TOMM40: variants seen among roughly 807,000 people sequenced by gnomAD.
The protein encoded by TOMM40 is translocase of outer mitochondrial membrane 40, also known as mitochondrial import receptor subunit TOM40 homolog.
TOMM40 carries 9 observed loss-of-function variants against 38.4 expected under a neutral mutation model. The ratio of observed to expected loss-of-function variants is 0.23; its 90% confidence interval spans 0.14 to 0.41. The LOEUF is 0.41. Among genes scored for constraint, TOMM40 ranks in the 10% least tolerant of loss-of-function variants. The pLI is 1.00. For synonymous variants in TOMM40, 184 were observed against 210.0 expected (o/e 0.88, Z 1.07); for missense variants, 299 against 486.5 (o/e 0.61, Z 3.63).
At chr19:44,901,744 A>ATAAAATGAAATAAATAAATAAATGTT in intron 8 of TOMM40, 1 of 188,426 alleles carries the variant, frequency 5.3e-6, no homozygotes, top group East Asian at 1.2e-4. Context: ...CTCAAAAAAA[A>ATAAAATGAAATAAATAAATAAATGTT]AAAAGTAGGT....
chr19:44,896,098 C>T (rs1488586231), intron 5 of TOMM40, among the ~76,000 whole-genome samples: 2 of 152,344 alleles, frequency 1.3e-5, no homozygotes, highest in East Asian at 1.9e-4. Context: ...CCAGCAACCC[C>T]GTTCCCTGTG....
chr19:44,894,949 A>G (rs157587), intron 5 of TOMM40, among the ~76,000 whole-genome samples: 3,630 of 152,146 alleles, frequency 0.024, 157 homozygotes, highest in African/African-American at 0.081. Context: ...GTGGACGGGG[A>G]GAGGAGGTTG....
At chr19:44,901,394 G>A (rs1231651305) in intron 8 of TOMM40, 84 bp downstream of exon 8, 1 of 1,544,802 alleles carries the variant, frequency 6.5e-7, no homozygotes. Flanking sequence ...ACAGGTGCTG[G>A]AGGACAGTGT....
At position 44,893,765 on chromosome 19, in the gene TOMM40, C is replaced by T; in HGVS notation, c.436-15C>T. ...TGCACCACCTCTGACCCCTTCCGTT[C>T]TCTCTGCCTCACAGGCGTTCCCTGT... is the stretch of plus-strand genomic sequence containing the variant. On this transcript the variant is annotated splice_polypyrimidine_tract_variant and intron_variant, in intron 3 of 8. Transcript: ENST00000426677. The T allele has an allele frequency of 6.2e-7, 1 of 1,610,184 alleles. No homozygotes were observed. The highest frequency in any genetic ancestry group is 8.5e-7 in the Non-Finnish European group (1 of 1,178,392).
rs1214777918 is a variant in TOMM40, at chr19:44,901,214, G to A, written c.850G>A (p.Val284Met). 32 of 1,614,170 alleles carry A rather than the reference G, an allele frequency of 2.0e-5. No homozygotes were observed. The highest frequency in any genetic ancestry group is 2.6e-5 in the Non-Finnish European group (31 of 1,180,014). Residue 284 changes from valine (V) to methionine (M), a missense_variant, in exon 8 of 9, where the codon GTG (valine) becomes ATG (methionine). Val to Met is a conservative substitution (Grantham distance 21, BLOSUM62 1). Coordinates refer to ENST00000426677, the MANE Select transcript of TOMM40 (RefSeq NM_001128917.2). ...GTTGCTCCGGCCCCTCCAGCTGCAG[G>A]TGGGTGTGGAGTTTGAGGCCAGCAC... ...YYHKASDQLQ[V>M]GVEFEASTRM...
At chr19:44,893,324 C>T (rs955791520) in intron 3 of TOMM40, among the ~76,000 whole-genome samples, 9 of 152,074 alleles carry the variant, frequency 5.9e-5, no homozygotes, top group Non-Finnish European at 1.2e-4. Context: ...CACAGGTTCC[C>T]GCTGTAGAAA....
rs1969714468 is a variant in TOMM40, at chr19:44,903,162, T to G, written c.1079T>G (p.Ile360Ser). The G allele has an allele frequency of 5.0e-6, 8 of 1,610,526 alleles. No individual in the cohort carries two copies. Among genetic ancestry groups the G allele is most frequent in the Non-Finnish European group, 5.9e-6 (7 of 1,179,232 alleles). Residue 360 changes from isoleucine (I) to serine (S), a missense_variant, in exon 9 of 9, where the codon ATC becomes AGC. Transcript: ENST00000426677. The part of the protein sequence containing the change: ...NKFQCGFGLT[I>S]G ...TTTCAGTGTGGCTTTGGCCTCACCATCGGCTGAGCCCTCCTGGCCCCCGCC... is the reference window on the plus strand; with the variant it reads ...TTTCAGTGTGGCTTTGGCCTCACCAGCGGCTGAGCCCTCCTGGCCCCCGCC...
intron 5 of TOMM40, among the ~76,000 whole-genome samples, chr19:44,898,958 C>G (rs1308957566): frequency 6.6e-6 from 1 of 151,510 alleles, no homozygotes; most frequent in African/African-American, 2.4e-5. Context: ...CGGTGAAACC[C>G]CTTCTCTACT....
chr19:44,891,273 G>C lies in TOMM40; in HGVS notation c.-143G>C. The C allele has an allele frequency of 9.6e-6, 11 of 1,144,402 alleles. No individual in the cohort carries two copies. Among genetic ancestry groups the C allele is most frequent in the Non-Finnish European group, 1.2e-5 (11 of 915,632 alleles). 70.9% of individuals were successfully genotyped at this position (1,144,402 alleles called of 1,614,324 possible). A position where few individuals can be genotyped will look rare whatever the true frequency, so the allele number is the denominator to read the frequency against. On this transcript the variant is annotated 5_prime_UTR_variant, in exon 1 of 9. Transcript: ENST00000426677. ...CGGGTTCGGTTGCGCGTGGCGCACG[G>C]GGTGGGAGCGGAGCCCAGGCCGGGA...
intron 5 of TOMM40, among the ~76,000 whole-genome samples, chr19:44,897,690 C>T (rs1421067613): frequency 6.6e-6 from 1 of 151,232 alleles, no homozygotes; most frequent in African/African-American, 2.4e-5. Context: ...AGGAGAGTCA[C>T]TTGAACCCGG....
chr19:44,899,852 G>A (rs1319325714), intron 5 of TOMM40, among the ~76,000 whole-genome samples: 4 of 131,978 alleles, frequency 3.0e-5, no homozygotes, highest in Admixed American at 9.1e-5. Context: ...CATGTTGCCC[G>A]GGCTGGCTTC....
chr19:44,901,728 C>A, intron 8 of TOMM40: 1 of 213,384 alleles, frequency 4.7e-6, no homozygotes, highest in Non-Finnish European at 9.3e-6. Context: ...CAGAGCAAGA[C>A]TCCATCTCAA....
intron 5 of TOMM40, among the ~76,000 whole-genome samples, chr19:44,898,389 C>A (rs1969607633): frequency 6.6e-6 from 1 of 152,174 alleles, no homozygotes; most frequent in African/African-American, 2.4e-5. Context: ...CCCTTCCCTT[C>A]TCCACGTGTC....
chr19:44,894,140 T>C (rs1332312593), intron 5 of TOMM40, 74 bp downstream of exon 5: 2 of 1,162,726 alleles, frequency 1.7e-6, no homozygotes, highest in Non-Finnish European at 2.4e-6. Context: ...ACCCCATTTG[T>C]GAACCTCCTT....
chr19:44,902,566 A>G (rs1969702602), intron 8 of TOMM40: 1 of 152,918 alleles, frequency 6.5e-6, no homozygotes, highest in South Asian at 2.0e-4. Context: ...TGAGGCTTCC[A>G]GAGGTTTCAA....
chr19:44,892,483 C>G (rs1184635375), intron 2 of TOMM40, 23 bp downstream of exon 2: 1 of 1,608,266 alleles, frequency 6.2e-7, no homozygotes, highest in South Asian at 1.1e-5. Flanking sequence ...GGTGTCCTTA[C>G]CCACCAGAGA....
chr19:44,894,464 A>G (rs1225850045), intron 5 of TOMM40, among the ~76,000 whole-genome samples: 1 of 151,942 alleles, frequency 6.6e-6, no homozygotes, highest in Non-Finnish European at 1.5e-5. Context: ...GTTTCACCAC[A>G]TTGGTCAGGC....
Position 44,891,290 on chromosome 19 carries a change from A to AG in TOMM40, c.-124dup, listed in dbSNP as rs1409503411. The AG allele has an allele frequency of 6.7e-6, 8 of 1,185,398 alleles. No individual in the cohort carries two copies. The African/African-American group carries it at 1.3e-4, about 19-fold the overall frequency. 73.4% of individuals were successfully genotyped at this position (1,185,398 alleles called of 1,614,324 possible). ...GGCGCACGGGGTGGGAGCGGAGCCC[A>AG]GGCCGGGAGCAGGCGCCGCCGCCAG... On this transcript the variant is annotated 5_prime_UTR_variant, in exon 1 of 9. Transcript: ENST00000426677.
At chr19:44,895,838 C>T (rs1159266183) in intron 5 of TOMM40, among the ~76,000 whole-genome samples, 2 of 152,138 alleles carry the variant, frequency 1.3e-5, no homozygotes, top group African/African-American at 2.4e-5. Flanking sequence ...TGAGCCACCG[C>T]GCCCGGCCGA....
Sources: allele counts gnomAD v4.1 joint callset (sites outside exome capture counted in the v4.1 genomes callset), GRCh38; gene constraint gnomAD v4.1.1; transcripts MANE v1.5; gene names NCBI Gene and HGNC (gene_info 2026-07-23, HGNC 2026-07-21).